Variants in CTU1 observed in about 807,000 individuals in gnomAD.
The protein encoded by CTU1 is cytosolic thiouridylase subunit 1, also known as cytoplasmic tRNA 2-thiolation protein 1.
In CTU1, 15 loss-of-function variants were observed where a neutral mutation model predicts 12.9. That is an observed-to-expected ratio of 1.16 (90% CI 0.78 to 1.79). CTU1 has a LOEUF of 1.79. Ranked by LOEUF, CTU1 falls within the 40% of genes most tolerant of loss-of-function variation. The probability of loss-of-function intolerance (pLI) is 0.00; values close to 1 mark genes in which losing one functional copy is unlikely to be tolerated. For missense variants in CTU1, 553 were observed against 550.5 expected (o/e 1.00, Z -0.05); for synonymous variants, 295 against 275.6 (o/e 1.07, Z -0.70).
At position 51,098,647 on chromosome 19, in the gene CTU1, C is replaced by A; in HGVS notation, c.1001G>T (p.Gly334Val). The A allele has an allele frequency of 7.6e-7, 1 of 1,310,600 alleles. No homozygotes were observed. The highest frequency in any genetic ancestry group is 9.7e-7 in the Non-Finnish European group (1 of 1,028,982). The allele number at this position is 1,310,600 out of a possible 1,614,324, so 81.2% of individuals were successfully genotyped here. The change falls in exon 3 of 3, where the codon GGG becomes GTG. Residue 334 changes from glycine to valine, a missense_variant. This residue lies in a region of CTU1 where 53 missense variants were observed against 92.0 expected (regional missense o/e 0.58). Transcript: ENST00000421832. The surrounding 1 kb of genome is among the most constrained non-coding windows in gnomAD (Gnocchi z 4.3). ...GGAGGCGGGGGGCCGGGCCGGATCC[C>A]CGGGCGTCCCCGGCGTCGCCTCCTC... ...LDEEATPGTPGDPARPPASKA... is the reference protein window; with the variant it reads ...LDEEATPGTPVDPARPPASKA...
Position 51,099,064 on chromosome 19 carries a change from C to A in CTU1, c.584G>T (p.Gly195Val). The change falls in exon 3 of 3, where the codon GGC (glycine) becomes GTC (valine). Residue 195 changes from glycine to valine, a missense_variant. Transcript: ENST00000421832. ...CTCGCCGGGAGAGCCCAGGCCCCCG[C>A]CCCGGGCCAGCCGCCCCGCGTCGCC... ...LRGDAGRLAR[G>V]GGLGSPGEGG... is the part of the protein sequence containing the mutation. 4 of 1,520,138 alleles carry A rather than the reference C, an allele frequency of 2.6e-6. No individual in the cohort carries two copies. The highest frequency in any genetic ancestry group is 3.5e-6 in the Non-Finnish European group (4 of 1,139,554). 94.2% of individuals were successfully genotyped at this position (1,520,138 alleles called of 1,614,324 possible).
chr19:51,104,563 C>T lies in CTU1; in HGVS notation c.7G>A (p.Ala3Thr), dbSNP rs574456803. The change falls in exon 2 of 3, where the codon GCC becomes ACC. Residue 3 changes from alanine to threonine, a missense_variant. Around this residue, in one of 2 missense-constraint regions of CTU1, gnomAD observed 500 missense variants for 458.5 expected, o/e 1.09. Coordinates refer to ENST00000421832, the MANE Select transcript of CTU1 (RefSeq NM_145232.4). ...GCATGGCAGGAGGCGCACGGCGGGG[C>T]GGGCATTGCGGGAGGGGTCGGCTTC... Reference protein sequence around the residue: MPAPPCASCHAAR... With the variant: MPTPPCASCHAAR... 1.3e-5 allele frequency: 16 copies of T among 1,250,740 alleles called. No homozygotes were observed. In the South Asian group the frequency reaches 1.6e-4, roughly 12 times the overall value. The allele number at this position is 1,250,740 out of a possible 1,614,324, so 77.5% of individuals were successfully genotyped here.
Position 51,099,007 on chromosome 19 carries a change from T to G in CTU1, c.641A>C (p.Gln214Pro). The change falls in exon 3 of 3, where the codon CAG becomes CCG. Residue 214 changes from glutamine (Q) to proline (P), a missense_variant. Gln to Pro is a moderately conservative substitution (Grantham distance 76). This residue lies in a region of CTU1 where 500 missense variants were observed against 458.5 expected (regional missense o/e 1.09). Transcript: ENST00000421832. Reference protein sequence around the residue: ...GGALPRCRPLQFASQKEVVLY... With the variant: ...GGALPRCRPLPFASQKEVVLY... ...CACCACCTCCTTCTGCGAGGCGAAC[T>G]GCAGCGGGCGGCAGCGCGGCAGGGC... The G allele has an allele frequency of 6.5e-7, 1 of 1,528,738 alleles. No homozygotes were observed. The highest frequency in any genetic ancestry group is 1.4e-5 in the African/African-American group (1 of 70,734). The allele number at this position is 1,528,738 out of a possible 1,614,324, so 94.7% of individuals were successfully genotyped here.
At chr19:51,103,939 C>A in intron 2 of CTU1, 123 bp downstream of exon 2, 2 of 1,049,572 alleles carry the variant, frequency 1.9e-6, no homozygotes, top group Non-Finnish European at 2.5e-6. Context: ...CATTAAGCCA[C>A]CAGGGTCTCC....
intron 1 of CTU1, among the ~76,000 whole-genome samples, chr19:51,107,363 C>G (rs922623509): frequency 2.6e-5 from 4 of 152,112 alleles, no homozygotes; most frequent in Non-Finnish European, 4.4e-5. Flanking sequence ...ACTCAGGAAG[C>G]CAAGGCAGGA....
chr19:51,101,647 G>C (rs950386233), intron 2 of CTU1, among the ~76,000 whole-genome samples: 5 of 152,142 alleles, frequency 3.3e-5, no homozygotes, highest in Admixed American at 2.6e-4. Flanking sequence ...AATTGTGTTT[G>C]TAGTAATGGT....
intron 2 of CTU1, among the ~76,000 whole-genome samples, chr19:51,103,605 A>T: frequency 7.0e-6 from 1 of 143,210 alleles, no homozygotes; most frequent in Non-Finnish European, 1.5e-5. Context: ...AAAAAAAAAA[A>T]GTTATCAAAG....
At chr19:51,106,890 G>T (rs2091922016) in intron 1 of CTU1, among the ~76,000 whole-genome samples, 2 of 152,092 alleles carry the variant, frequency 1.3e-5, no homozygotes, top group African/African-American at 2.4e-5. Flanking sequence ...CCACATGGCT[G>T]GGGCACCTTA....
chr19:51,103,288 T>C (rs1297527158), intron 2 of CTU1, among the ~76,000 whole-genome samples: 1 of 151,944 alleles, frequency 6.6e-6, no homozygotes, highest in East Asian at 1.9e-4. Flanking sequence ...TTAGCATCTG[T>C]TTGTTGAAGG....
Position 51,104,088 on chromosome 19 carries a change from C to T in CTU1, c.482G>A (p.Arg161His), listed in dbSNP as rs1021249034. Reference sequence around the variant, plus strand: ...TGTCACGATGTGCGTGGCTCCCACGCGGCGCGCCCCTTCCTCCAGCGCCCG... The same window carrying T: ...TGTCACGATGTGCGTGGCTCCCACGTGGCGCGCCCCTTCCTCCAGCGCCCG... ...RRRALEEGAR[R>H]VGATHIVTGH... Residue 161 changes from arginine (R) to histidine (H), a missense_variant, in exon 2 of 3, where the codon CGC (arginine) becomes CAC (histidine). By Grantham distance (29) the Arg-to-His change is conservative (BLOSUM62 0). Coordinates refer to ENST00000421832, the MANE Select transcript of CTU1 (RefSeq NM_145232.4). 6.8e-7 allele frequency: 1 copy of T among 1,467,928 alleles called. No individual in the cohort carries two copies. The allele number at this position is 1,467,928 out of a possible 1,614,324, so 90.9% of individuals were successfully genotyped here.
intron 1 of CTU1, among the ~76,000 whole-genome samples, chr19:51,105,395 T>C (rs1200175619): frequency 6.6e-6 from 1 of 151,922 alleles, no homozygotes; most frequent in Non-Finnish European, 1.5e-5. Context: ...TCATCTGTTA[T>C]CTTTCCTACT....
chr19:51,107,315 T>C (rs2091922967), intron 1 of CTU1, among the ~76,000 whole-genome samples: 1 of 152,092 alleles, frequency 6.6e-6, no homozygotes, highest in African/African-American at 2.4e-5. Flanking sequence ...AATAAATAAA[T>C]TAGCTGCACC....
In CTU1 at chr19:51,099,083, C is replaced by G; in HGVS notation, c.565G>C (p.Ala189Pro). ...CCCCCGCCCCGGGCCAGCCGCCCCGCGTCGCCCCGTAGGAAGTTCATGAGC... is the reference window on the plus strand; with the variant it reads ...CCCCCGCCCCGGGCCAGCCGCCCCGGGTCGCCCCGTAGGAAGTTCATGAGC... ...TVLMNFLRGD[A>P]GRLARGGGLG... The change falls in exon 3 of 3, where the codon GCG becomes CCG. Residue 189 changes from alanine (A) to proline (P), a missense_variant. Ala to Pro is a conservative substitution (Grantham distance 27). Transcript: ENST00000421832. 1 of 1,539,200 alleles carries G rather than the reference C, an allele frequency of 6.5e-7. No homozygotes were observed. The highest frequency in any genetic ancestry group is 8.7e-7 in the Non-Finnish European group (1 of 1,150,614).
In CTU1 at chr19:51,104,235, G is replaced by A. The variant is rs541753587; in HGVS notation, c.335C>T (p.Pro112Leu). ...VRRQAARWEL[P>L]LTVVAYEDLF... ...GTCTTCGTAGGCCACGACCGTGAGC[G>A]GCAGCTCCCAGCGCGCCGCCTGGCG... Residue 112 changes from proline to leucine, a missense_variant, in exon 2 of 3, where the codon CCG (proline) becomes CTG (leucine). Pro to Leu is a moderately conservative substitution (Grantham distance 98). Coordinates refer to ENST00000421832, the MANE Select transcript of CTU1 (RefSeq NM_145232.4). 8.8e-5 allele frequency: 133 copies of A among 1,513,742 alleles called. 1 individual carries two copies. The South Asian group carries it at 1.5e-3, about 17-fold the overall frequency. The allele number at this position is 1,513,742 out of a possible 1,614,324, so 93.8% of individuals were successfully genotyped here.
intron 2 of CTU1, among the ~76,000 whole-genome samples, chr19:51,100,101 TG>T (rs2091903659): frequency 6.6e-6 from 1 of 151,646 alleles, no homozygotes; most frequent in African/African-American, 2.4e-5. Flanking sequence ...GAGAGGGAGA[TG>T]GGGCCATGGA....
chr19:51,102,567 G>A (rs937610273), intron 2 of CTU1, among the ~76,000 whole-genome samples: 12 of 152,162 alleles, frequency 7.9e-5, no homozygotes, highest in Non-Finnish European at 1.5e-4. Flanking sequence ...CTCCATCACC[G>A]CAGCTGGCTT....
chr19:51,106,816 C>T (rs1448778756), intron 1 of CTU1, among the ~76,000 whole-genome samples: 2 of 152,146 alleles, frequency 1.3e-5, no homozygotes, highest in African/African-American at 2.4e-5. Context: ...CTGTGCCCAG[C>T]TTCTTTCCAT....
chr19:51,104,683 C>T (rs1403104175), intron 1 of CTU1, 93 bp from the exon 2 acceptor site: 4 of 1,003,390 alleles, frequency 4.0e-6, no homozygotes, highest in Non-Finnish European at 5.1e-6. Context: ...CACCTCTGCC[C>T]GGAATAGACC....
intron 2 of CTU1, among the ~76,000 whole-genome samples, chr19:51,100,553 C>T (rs111394472): frequency 0.012 from 1,759 of 152,094 alleles, 35 homozygotes; most frequent in African/African-American, 0.037. Context: ...GAGCCGAGAT[C>T]ACTCCACTGC....
Sources: gnomAD v4.1 joint callset for allele counts (sites outside exome capture counted in the v4.1 genomes callset) on GRCh38, gnomAD v4.1.1 for gene constraint, gnomAD v4.1.1 regional missense constraint, Gnocchi (gnomAD v3.1) non-coding constraint, MANE v1.5 for transcripts, NCBI Gene and HGNC (gene_info 2026-07-23, HGNC 2026-07-21) for gene names.